ASH1L: variants seen among roughly 807,000 people sequenced by gnomAD.
The protein encoded by ASH1L is histone-lysine N-methyltransferase ASH1L.
In ASH1L, 23 loss-of-function variants were observed where a neutral mutation model predicts 269.0. The ratio of observed to expected loss-of-function variants is 0.09; its 90% CI spans 0.06 to 0.12. ASH1L has a LOEUF of 0.12. Ranked by LOEUF, ASH1L falls within the 10% of genes least tolerant of loss-of-function variation. The probability of loss-of-function intolerance (pLI) is 1.00; values close to 1 mark genes in which losing one functional copy is unlikely to be tolerated. For synonymous variants in ASH1L, 1,187 were observed against 1,253.5 expected, an observed-to-expected ratio of 0.95 and a Z score of 1.12; for missense variants, 2,912 against 3,567.8, an observed-to-expected ratio of 0.82 and a Z score of 4.68.
chr1:155,384,556 T>C (rs1269805620), intron 7 of ASH1L, among the ~76,000 whole-genome samples: 1 of 151,626 alleles, frequency 6.6e-6, no homozygotes, highest in Non-Finnish European at 1.5e-5. Flanking sequence ...TTGCCAACCA[T>C]GCCTGGCTAA....
chr1:155,456,625 G>C (rs931417495), intron 4 of ASH1L, among the ~76,000 whole-genome samples: 1 of 152,036 alleles, frequency 6.6e-6, no homozygotes, highest in Admixed American at 6.6e-5. Context: ...CCAAATTCAA[G>C]TTCATATATA....
rs371829476 is a variant in ASH1L at position 155,488,668 on chromosome 1, C to CAAAA, written c.421-6223_421-6220dup. On this transcript the variant is annotated intron_variant, in intron 2 of 27. Coordinates refer to ENST00000392403, the MANE Select transcript of ASH1L (RefSeq NM_018489.3). ...TGGGCAACAGAGCAAGACTCTGTCA[C>CAAAA]AAAAAAAAAAAAAAAAAAAAAAAAA... Among the ~76,000 whole-genome samples, 69 of 29,204 alleles carry CAAAA rather than the reference C, an allele frequency of 2.4e-3. 4 individuals are homozygous for CAAAA. The highest frequency in any genetic ancestry group is 5.2e-3 in the African/African-American group (45 of 8,624). The allele number at this position is 29,204 out of a possible 152,430, so 19.2% of individuals were successfully genotyped here. A position where few individuals can be genotyped will look rare whatever the true frequency, so the allele number is the denominator to read the frequency against.
chr1:155,412,566 G>A (rs528537733), intron 6 of ASH1L, among the ~76,000 whole-genome samples: 6 of 152,226 alleles, frequency 3.9e-5, no homozygotes, highest in East Asian at 3.9e-4. Flanking sequence ...CATCTATAGC[G>A]TCTGTAATAT....
chr1:155,399,538 C>T (rs1571105565), intron 6 of ASH1L, among the ~76,000 whole-genome samples: 1 of 152,028 alleles, frequency 6.6e-6, no homozygotes, highest in East Asian at 1.9e-4. Context: ...ACTTGGGAGG[C>T]TGAGGCATGA....
At chr1:155,397,475 C>T (rs540497222) in intron 6 of ASH1L, among the ~76,000 whole-genome samples, 1 of 143,612 alleles carries the variant, frequency 7.0e-6, no homozygotes. Context: ...ACAGCCTAGA[C>T]AACAAGAGCG....
In ASH1L at chr1:155,338,228, G is replaced by A. The variant is rs1289266527; in HGVS notation, c.8664C>T (p.Val2888=). ...EPEREGATAN[V]SEGEKKTEES... is the part of the protein sequence containing the mutation. ...CCTCTGTTTTTTTTTCACCCTCACT[G>A]ACGTTAGCAGTGGCCCCTTCCCGTT... Residue 2888 remains valine, a synonymous_variant, in exon 27 of 28, where the codon GTC becomes GTT. Coordinates refer to ENST00000392403, the MANE Select transcript of ASH1L (RefSeq NM_018489.3). 6.2e-7 allele frequency: 1 copy of A among 1,613,744 alleles called. No individual in the cohort carries two copies. The highest frequency in any genetic ancestry group is 1.3e-5 in the African/African-American group (1 of 74,788).
intron 3 of ASH1L, among the ~76,000 whole-genome samples, chr1:155,462,399 T>A (rs994694788): frequency 1.3e-5 from 2 of 152,220 alleles, no homozygotes; most frequent in Non-Finnish European, 2.9e-5. Context: ...AGGCTTCAAC[T>A]GTACCTTTGA....
intron 12 of ASH1L, among the ~76,000 whole-genome samples, chr1:155,365,390 T>A (rs1655323622): frequency 6.8e-6 from 1 of 146,846 alleles, no homozygotes; most frequent in South Asian, 2.2e-4. Flanking sequence ...TTTTTTTTTT[T>A]TTTTGTATTT....
chr1:155,557,029 C>T (rs1461225883), intron 1 of ASH1L, among the ~76,000 whole-genome samples: 5 of 152,036 alleles, frequency 3.3e-5, no homozygotes, highest in African/African-American at 9.7e-5. Context: ...TAGTAAGACC[C>T]TGTCTCAAAA....
In ASH1L at chr1:155,459,823, G is replaced by T; in HGVS notation, c.5060C>A (p.Ser1687Tyr). 6.2e-7 allele frequency: 1 copy of T among 1,613,654 alleles called. No homozygotes were observed. The highest frequency in any genetic ancestry group is 8.5e-7 in the Non-Finnish European group (1 of 1,179,810). The change falls in exon 4 of 28, where the codon TCT becomes TAT. Residue 1687 changes from serine to tyrosine, a missense_variant. Physicochemically the swap from Ser to Tyr is moderately radical, Grantham distance 144 (BLOSUM62 -2). This residue lies in a region of ASH1L where 789 missense variants were observed against 897.6 expected (regional missense o/e 0.88). Coordinates refer to ENST00000392403, the MANE Select transcript of ASH1L (RefSeq NM_018489.3). The part of the protein sequence containing the change: ...STNCSPTRKR[S>Y]SSESTSSTVN... Reference sequence around the variant, plus strand: ...TGTTGAAGAAGTACTCTCAGATGAAGACCTTTTCCGGGTAGGGCTACAATT... The same window carrying T: ...TGTTGAAGAAGTACTCTCAGATGAATACCTTTTCCGGGTAGGGCTACAATT...
At position 155,338,289 on chromosome 1, in the gene ASH1L, T is replaced by A; in HGVS notation, c.8603A>T (p.Gln2868Leu). ...CAGGCTGGGTATCTCATTGGCTGCT[T>A]GCTCTTGACTGGCTAGAACCTCTTC... ...LIEEVLASQE[Q>L]AANEIPSLEE... Residue 2868 changes from glutamine (Q) to leucine (L), a missense_variant, in exon 27 of 28, where the codon CAA becomes CTA. Coordinates refer to ENST00000392403, the MANE Select transcript of ASH1L (RefSeq NM_018489.3). 5.6e-6 allele frequency: 9 copies of A among 1,614,110 alleles called. No individual in the cohort carries two copies. The South Asian group carries it at 8.8e-5, about 16-fold the overall frequency.
chr1:155,406,271 T>C (rs755243791), intron 6 of ASH1L, among the ~76,000 whole-genome samples: 2 of 150,952 alleles, frequency 1.3e-5, no homozygotes, highest in East Asian at 1.9e-4. Context: ...AAGATTCCAG[T>C]TGCATTTTTT....
At chr1:155,438,040 G>T (rs1354758477) in intron 5 of ASH1L, among the ~76,000 whole-genome samples, 1 of 152,010 alleles carries the variant, frequency 6.6e-6, no homozygotes, top group Non-Finnish European at 1.5e-5. Flanking sequence ...GTAGAGAAAG[G>T]GTTTACCATG....
chr1:155,469,110 G>A (rs866572632), intron 3 of ASH1L, among the ~76,000 whole-genome samples: 2 of 151,862 alleles, frequency 1.3e-5, no homozygotes, highest in South Asian at 2.1e-4. Context: ...CAAACTAACC[G>A]CCAAAGCCAA....
chr1:155,366,640 CT>C (rs1052916955), intron 12 of ASH1L, among the ~76,000 whole-genome samples: 2 of 152,092 alleles, frequency 1.3e-5, no homozygotes, highest in African/African-American at 4.8e-5. Context: ...AGGGACTAGT[CT>C]TTTATGAAGC....
At chr1:155,491,364 G>C (rs899452913) in intron 2 of ASH1L, among the ~76,000 whole-genome samples, 9 of 151,542 alleles carry the variant, frequency 5.9e-5, no homozygotes, top group Non-Finnish European at 7.4e-5. Flanking sequence ...GCCTCCCAAA[G>C]TGCTAGGACT....
At chr1:155,402,653 T>C (rs536580476) in intron 6 of ASH1L, among the ~76,000 whole-genome samples, 3 of 152,028 alleles carry the variant, frequency 2.0e-5, no homozygotes, top group Non-Finnish European at 4.4e-5. Context: ...GCTCAAGCAA[T>C]CCCACCATCC....
chr1:155,431,346 A>G (rs1228735560), intron 5 of ASH1L, among the ~76,000 whole-genome samples: 1 of 152,062 alleles, frequency 6.6e-6, no homozygotes, highest in Admixed American at 6.6e-5. Flanking sequence ...GCTGGAGTGC[A>G]GTGAAGGAAC....
Position 155,479,056 on chromosome 1 carries a change from G to A in ASH1L, c.3814C>T (p.Arg1272Trp), listed in dbSNP as rs750816124. The change falls in exon 3 of 28, where the codon CGG (arginine) becomes TGG (tryptophan). Residue 1272 changes from arginine (R) to tryptophan (W), a missense_variant. Physicochemically the swap from Arg to Trp is moderately radical, Grantham distance 101. Around this residue, in one of 13 missense-constraint regions of ASH1L, gnomAD observed 789 missense variants for 897.6 expected, o/e 0.88. Transcript: ENST00000392403. ...YDKMKRQKRK[R>W]KKKYPQLRNR... ...CGAAGCTGGGGATATTTCTTTTTCCGTTTTCGTTTCTGCCTTTTCATCTTG... is the reference window on the plus strand; with the variant it reads ...CGAAGCTGGGGATATTTCTTTTTCCATTTTCGTTTCTGCCTTTTCATCTTG... 12 of 1,613,680 alleles carry A rather than the reference G, an allele frequency of 7.4e-6. No homozygotes were observed. Among genetic ancestry groups the A allele is most frequent in the African/African-American group, 4.0e-5 (3 of 74,790 alleles).
Sources: allele counts gnomAD v4.1 joint callset (sites outside exome capture counted in the v4.1 genomes callset), GRCh38; gene constraint gnomAD v4.1.1; regional missense constraint gnomAD v4.1.1; transcripts MANE v1.5; gene names NCBI Gene and HGNC (gene_info 2026-07-23, HGNC 2026-07-21).